The following SASH1 variants were observed in gnomAD, a reference collection of about 807,000 sequenced individuals.
The protein encoded by SASH1 is SAM and SH3 domain-containing protein 1.
In SASH1, 44 loss-of-function variants were observed where a neutral mutation model predicts 125.2. The observed-to-expected ratio is 0.35, with a 90% confidence interval of 0.28 to 0.45. The LOEUF (loss-of-function observed/expected upper bound fraction) is 0.45, where lower values mean the gene tolerates loss of function less well. Ranked by LOEUF, SASH1 falls within the 20% of genes least tolerant of loss-of-function variation. The pLI, the probability that SASH1 is intolerant of heterozygous loss-of-function variation, is 1.00. For missense variants in SASH1, 1,426 were observed against 1,614.5 expected (o/e 0.88, Z 2.00); for synonymous variants, 639 against 649.1 (o/e 0.98, Z 0.24).
chr6:148,343,353 C>A, intron 1 of SASH1, 130 bp downstream of exon 1: 2 of 757,918 alleles, frequency 2.6e-6, no homozygotes, highest in Non-Finnish European at 4.1e-6. Flanking sequence ...GGCTCTAGTT[C>A]TTAGGGGGCT....
Position 148,313,045 on chromosome 6 carries a change from A to T in SASH1, n.74+40668A>T, listed in dbSNP as rs149522258. 5.2e-3 allele frequency among the ~76,000 whole-genome samples: 786 copies of T among 152,308 alleles called. 5 individuals carry two copies. Among genetic ancestry groups the T allele is most frequent in the African/African-American group, 0.018 (758 of 41,578 alleles). On this transcript the variant is annotated intron_variant and non_coding_transcript_variant, in intron 1 of 3. Transcript: ENST00000367469. ...GCAAGACAAAACAACACCCCTTCCCAACAAAAAAGAAGTCTTAGGAGTTAG... is the reference window on the plus strand; with the variant it reads ...GCAAGACAAAACAACACCCCTTCCCTACAAAAAAGAAGTCTTAGGAGTTAG...
At chr6:148,214,974 T>C in the SASH1 span, among the ~76,000 whole-genome samples, 2 of 152,178 alleles carry the variant, frequency 1.3e-5, no homozygotes, top group Non-Finnish European at 2.9e-5. Flanking sequence ...TAGATGGATG[T>C]AGAAGAGCTA....
chr6:148,213,513 T>C, the SASH1 span, among the ~76,000 whole-genome samples: 1 of 151,618 alleles, frequency 6.6e-6, no homozygotes, highest in Non-Finnish European at 1.5e-5. Context: ...AGGGTGTGTG[T>C]GTGTGTGTGT....
At position 148,471,509 on chromosome 6, in the gene SASH1, G is replaced by A. The variant is rs1348082113; in HGVS notation, c.514+6G>A. 3 of 1,552,506 alleles carry A rather than the reference G, an allele frequency of 1.9e-6. No homozygotes were observed. The highest frequency in any genetic ancestry group is 4.5e-5 in the East Asian group (2 of 44,230). ...AATGAGACAGACTTCAAAAGGTACT[G>A]CAATGCAGCTGGCGGACAGTAGGTC... On this transcript the variant is annotated splice_donor_region_variant and intron_variant, in intron 6 of 19. Transcript: ENST00000367467.
chr6:148,290,784 T>C (rs6922261), intron 1 of SASH1, among the ~76,000 whole-genome samples: 76,207 of 143,568 alleles, frequency 0.53, 21,199 homozygotes, highest in African/African-American at 0.66. Context: ...CCTTTGTTCA[T>C]GTTTATCTGC....
rs35487674 is a variant in SASH1 at position 148,471,386 on chromosome 6, CTT to C, written c.428-5_428-4del. ...GAATTTATTGCTTGTGCTTTTTGTTCTTTTTTTTTTTTTTTTTTTTTTTTTTT... is the reference window on the plus strand; with the variant it reads ...GAATTTATTGCTTGTGCTTTTTGTTCTTTTTTTTTTTTTTTTTTTTTTTTT... On this transcript the variant is annotated intron_variant, in intron 5 of 19. Transcript: ENST00000367467. 0.22 allele frequency: 110,625 copies of C among 494,942 alleles called. 5,354 individuals carry two copies. The highest frequency in any genetic ancestry group is 0.3 in the East Asian group (7,013 of 23,408). 30.7% of individuals were successfully genotyped at this position (494,942 alleles called of 1,614,324 possible).
At chr6:148,214,748 C>T in the SASH1 span, among the ~76,000 whole-genome samples, 8 of 152,054 alleles carry the variant, frequency 5.3e-5, no homozygotes, top group African/African-American at 4.8e-5. Context: ...GATGAGGGAG[C>T]GGGGAGGAAA....
chr6:148,515,126 C>T (rs767268758), intron 9 of SASH1, among the ~76,000 whole-genome samples: 1 of 152,196 alleles, frequency 6.6e-6, no homozygotes, highest in Non-Finnish European at 1.5e-5. Context: ...ATTCATCTCT[C>T]TTGTTAGTAA....
Position 148,519,593 on chromosome 6 carries a change from G to A in SASH1, c.909G>A (p.Arg303=). 2.5e-6 allele frequency: 4 copies of A among 1,614,136 alleles called. No individual in the cohort carries two copies. The highest frequency in any genetic ancestry group is 3.4e-6 in the Non-Finnish European group (4 of 1,180,030). Residue 303 remains arginine, a synonymous_variant, in exon 10 of 20, where the codon CGG becomes CGA. Transcript: ENST00000367467. This position sits in a 1 kb window ranked among gnomAD's most constrained non-coding sequence, Gnocchi z 4.8. ...VFENSPVLDE[R]SALYSGVHKK... Reference sequence around the variant, plus strand: ...AGAATTCGCCGGTCCTGGATGAACGGTCCGCCCTCTACTCTGGCGTGCACA... The same window carrying A: ...AGAATTCGCCGGTCCTGGATGAACGATCCGCCCTCTACTCTGGCGTGCACA...
At chr6:148,292,229 T>A (rs1027780653) in intron 1 of SASH1, among the ~76,000 whole-genome samples, 1 of 152,200 alleles carries the variant, frequency 6.6e-6, no homozygotes, top group African/African-American at 2.4e-5. Context: ...GGGAGCTATA[T>A]AACTAAACCA....
At chr6:148,489,396 A>G (rs1413118342) in intron 8 of SASH1, among the ~76,000 whole-genome samples, 2 of 152,210 alleles carry the variant, frequency 1.3e-5, no homozygotes, top group Non-Finnish European at 2.9e-5. Flanking sequence ...GAAATTAGGA[A>G]GTATGACACC....
intron 2 of SASH1, among the ~76,000 whole-genome samples, chr6:148,400,823 CCT>C (rs2114867610): frequency 6.6e-6 from 1 of 152,286 alleles, no homozygotes; most frequent in East Asian, 1.9e-4. Context: ...TCTCTCGCTC[CCT>C]CTCATTAGAA....
chr6:148,545,560 G>C (rs1239233253), intron 18 of SASH1, among the ~76,000 whole-genome samples: 1 of 152,234 alleles, frequency 6.6e-6, no homozygotes, highest in African/African-American at 2.4e-5. Flanking sequence ...CTCTCCTGCA[G>C]TTTAGAAGAC....
intron 1 of SASH1, among the ~76,000 whole-genome samples, chr6:148,334,473 G>C (rs1297658477): frequency 1.4e-5 from 2 of 146,086 alleles, no homozygotes; most frequent in Non-Finnish European, 3.0e-5. Flanking sequence ...GTGGTCTCCA[G>C]TGATGGTAAT....
chr6:148,356,585 T>C (rs576557535), intron 1 of SASH1, among the ~76,000 whole-genome samples: 1 of 147,106 alleles, frequency 6.8e-6, no homozygotes. Context: ...TTCTCCTGCC[T>C]CAACCTCCCA....
the SASH1 span, among the ~76,000 whole-genome samples, chr6:148,255,641 T>G: frequency 1.3e-5 from 2 of 152,060 alleles, no homozygotes; most frequent in East Asian, 1.9e-4. Flanking sequence ...TTTTTTTTAT[T>G]TGTTTTTTTC....
intron 2 of SASH1, among the ~76,000 whole-genome samples, chr6:148,390,489 T>C (rs140376686): frequency 3.3e-4 from 50 of 152,284 alleles, no homozygotes; most frequent in African/African-American, 1.2e-3. Flanking sequence ...TTTGCACTCA[T>C]TAAAAGAACA....
Position 148,319,071 on chromosome 6 carries a change from A to C in SASH1, n.74+46694A>C, listed in dbSNP as rs1471215506. 1.5e-4 allele frequency among the ~76,000 whole-genome samples: 15 copies of C among 102,180 alleles called. No homozygotes were observed. The East Asian group carries it at 1.9e-3, about 13-fold the overall frequency. The allele number at this position is 102,180 out of a possible 152,430, so 67.0% of individuals were successfully genotyped here. A position where few individuals can be genotyped will look rare whatever the true frequency, so the allele number is the denominator to read the frequency against. On this transcript the variant is annotated intron_variant and non_coding_transcript_variant, in intron 1 of 3. Transcript: ENST00000367469. ...TTTTTGAGACGGAGTCTGGCTCTGT[A>C]GCCCAGGCTGGAGTGCAGTGGCGCG... is the stretch of plus-strand genomic sequence containing the variant.
At chr6:148,316,520 G>C (rs1255017019) in intron 1 of SASH1, among the ~76,000 whole-genome samples, 1 of 152,232 alleles carries the variant, frequency 6.6e-6, no homozygotes, top group Non-Finnish European at 1.5e-5. Context: ...GCCCGCTTCA[G>C]GGCATCATGC....
Sources: gnomAD v4.1 joint callset for allele counts (sites outside exome capture counted in the v4.1 genomes callset) on GRCh38, gnomAD v4.1.1 for gene constraint, Gnocchi (gnomAD v3.1) non-coding constraint, MANE v1.5 for transcripts, NCBI Gene and HGNC (gene_info 2026-07-23, HGNC 2026-07-21) for gene names.